The following VWA7 variants were observed in gnomAD, a reference collection of about 807,000 sequenced individuals.
VWA7 encodes the protein von Willebrand factor A domain containing 7.
Under a neutral mutation model 83.1 loss-of-function variants are expected in VWA7, and 66 were observed. That is an observed-to-expected ratio of 0.79 (90% CI 0.65 to 0.98). VWA7 has a LOEUF of 0.98. Ranked by LOEUF, VWA7 falls within the 50% of genes least tolerant of loss-of-function variation. VWA7 has a pLI of 0.00. For synonymous variants in VWA7, 424 were observed against 488.5 expected, an observed-to-expected ratio of 0.87 and a Z score of 1.74; for missense variants, 1,080 against 1,160.2, an observed-to-expected ratio of 0.93 and a Z score of 1.00.
Position 31,775,940 on chromosome 6 carries a change from CCAT to C in VWA7, c.513+21_513+23del. 6.3e-7 allele frequency: 1 copy of C among 1,589,458 alleles called. No homozygotes were observed. The highest frequency in any genetic ancestry group is 8.6e-7 in the Non-Finnish European group (1 of 1,166,560). On this transcript the variant is annotated intron_variant, in intron 3 of 16. Coordinates refer to ENST00000375688, the MANE Select transcript of VWA7 (RefSeq NM_025258.3). The surrounding 1 kb of genome is among the most constrained non-coding windows in gnomAD (Gnocchi z 5.9). The stretch of plus-strand genomic sequence containing the variant: ...GGCACGGAAGTGAAGACCCCTCTGA[CCAT>C]CAACCCAACCCTGTTCTCACCTGCA...
rs1581600125 is a variant in VWA7, at chr6:31,770,118, G to A, written c.1088-5C>T. On this transcript the variant is annotated splice_region_variant and splice_polypyrimidine_tract_variant and intron_variant, in intron 7 of 16. Transcript: ENST00000375688. ...TTGTAAAGACAGGGCCGAACCCTGGGAAGGGGAAAGGAGGTTAAGATAAGT... is the reference window on the plus strand; with the variant it reads ...TTGTAAAGACAGGGCCGAACCCTGGAAAGGGGAAAGGAGGTTAAGATAAGT... 2 of 1,611,414 alleles carry A rather than the reference G, an allele frequency of 1.2e-6. No homozygotes were observed.
intron 7 of VWA7, among the ~76,000 whole-genome samples, chr6:31,772,155 T>C (rs1376685826): frequency 6.6e-6 from 1 of 151,678 alleles, no homozygotes; most frequent in Non-Finnish European, 1.5e-5. Context: ...TTTTTTTTTT[T>C]TTAGAGACAG....
At chr6:31,770,234 A>G (rs961994414) in intron 7 of VWA7, 121 bp from the exon 8 acceptor site, 16 of 740,594 alleles carry the variant, frequency 2.2e-5, no homozygotes, top group South Asian at 1.2e-4. Flanking sequence ...TTGAAATAAC[A>G]ATACTCCATT....
chr6:31,771,991 A>T (rs1204958657), intron 7 of VWA7, among the ~76,000 whole-genome samples: 1 of 62,524 alleles, frequency 1.6e-5, no homozygotes, highest in Non-Finnish European at 2.6e-5. Flanking sequence ...ACTCCGTCTC[A>T]AAAAAAAAAA....
intron 7 of VWA7, 119 bp from the exon 8 acceptor site, chr6:31,770,232 A>T: frequency 1.3e-6 from 1 of 743,184 alleles, no homozygotes; most frequent in Non-Finnish European, 2.2e-6. Context: ...TATTGAAATA[A>T]CAATACTCCA....
chr6:31,773,883 G>A lies in VWA7; in HGVS notation c.722-446C>T, dbSNP rs913599699. ...AAATAAATAAATGATGGCTGGGCACGGTGGCTCACACCAGTAATCCCAGCA... is the reference window on the plus strand; with the variant it reads ...AAATAAATAAATGATGGCTGGGCACAGTGGCTCACACCAGTAATCCCAGCA... On this transcript the variant is annotated intron_variant, in intron 5 of 16. Coordinates refer to ENST00000375688, the MANE Select transcript of VWA7 (RefSeq NM_025258.3). This position sits in a 1 kb window ranked among gnomAD's most constrained non-coding sequence, Gnocchi z 5.3. Among the ~76,000 whole-genome samples, 4 of 151,804 alleles carry A rather than the reference G, an allele frequency of 2.6e-5. No homozygotes were observed. Among genetic ancestry groups the A allele is most frequent in the Admixed American group, 2.6e-4 (4 of 15,234 alleles).
At position 31,766,083 on chromosome 6, in the gene VWA7, A is replaced by G; in HGVS notation, c.2325-26T>C. 6.2e-7 allele frequency: 1 copy of G among 1,612,076 alleles called. No homozygotes were observed. Among genetic ancestry groups the G allele is most frequent in the Non-Finnish European group, 8.5e-7 (1 of 1,179,522 alleles). On this transcript the variant is annotated intron_variant, in intron 15 of 16. Transcript: ENST00000375688. This position sits in a 1 kb window ranked among gnomAD's most constrained non-coding sequence, Gnocchi z 4.9. ...CTGGAGAGAGGATATAGGCGTCGCT[A>G]AAGCTCCAGGCTGCCCAGAGCCTAG...
Position 31,773,204 on chromosome 6 carries a change from C to T in VWA7, c.917+38G>A, listed in dbSNP as rs752762273. ...GGTTTCTCCCTTCCCGCAGGAGCGCCTCCCCATGAAGGGGTCCATCCCCAG... is the reference window on the plus strand; with the variant it reads ...GGTTTCTCCCTTCCCGCAGGAGCGCTTCCCCATGAAGGGGTCCATCCCCAG... On this transcript the variant is annotated intron_variant, in intron 6 of 16. Coordinates refer to ENST00000375688, the MANE Select transcript of VWA7 (RefSeq NM_025258.3). This position sits in a 1 kb window ranked among gnomAD's most constrained non-coding sequence, Gnocchi z 5.3. The T allele has an allele frequency of 3.1e-6, 5 of 1,591,344 alleles. No homozygotes were observed. The South Asian group carries it at 4.5e-5, about 14-fold the overall frequency.
In VWA7 at chr6:31,770,028, C is replaced by T; in HGVS notation, c.1173G>A (p.Glu391=). The change falls in exon 8 of 17, where the codon GAG becomes GAA. Residue 391 remains glutamate (E), a synonymous_variant. Coordinates refer to ENST00000375688, the MANE Select transcript of VWA7 (RefSeq NM_025258.3). ...NEIHALGGGD[E]PEMCLSALQL... Reference sequence around the variant, plus strand: ...GCAGGGCTGACAGGCACATCTCAGGCTCGTCTCCACCCCCCAAGGCATGGA... The same window carrying T: ...GCAGGGCTGACAGGCACATCTCAGGTTCGTCTCCACCCCCCAAGGCATGGA... 1.2e-6 allele frequency: 2 copies of T among 1,612,882 alleles called. No homozygotes were observed. The highest frequency in any genetic ancestry group is 8.5e-7 in the Non-Finnish European group (1 of 1,179,998).
In VWA7 at chr6:31,765,970, C is replaced by CA; in HGVS notation, c.2411dup (p.Thr805AspfsTer40). On this transcript the variant is annotated frameshift_variant, in exon 16 of 17. Coordinates refer to ENST00000375688, the MANE Select transcript of VWA7 (RefSeq NM_025258.3). LOFTEE classifies it high-confidence loss of function. ...CTTCTCGTCCCCCTGCAGTCACAGT[C>CA]ACCATCACCACGGAATCCGGGGCCG... is the stretch of plus-strand genomic sequence containing the variant. 6.2e-7 allele frequency: 1 copy of CA among 1,613,116 alleles called. No individual in the cohort carries two copies. The highest frequency in any genetic ancestry group is 8.5e-7 in the Non-Finnish European group (1 of 1,180,036).
Position 31,766,161 on chromosome 6 carries a change from G to A in VWA7, c.2324+84C>T. 6.3e-7 allele frequency: 1 copy of A among 1,593,156 alleles called. No homozygotes were observed. Among genetic ancestry groups the A allele is most frequent in the East Asian group, 2.2e-5 (1 of 44,658 alleles). On this transcript the variant is annotated intron_variant, in intron 15 of 16. Transcript: ENST00000375688. The surrounding 1 kb of genome is among the most constrained non-coding windows in gnomAD (Gnocchi z 4.9). ...GCGGAGAGGAGGATTCTGAGGGCCA[G>A]TCGGAGGGGGACAGGGGCAGGGCTT...
chr6:31,774,439 T>C (rs973287228), intron 5 of VWA7, 77 bp downstream of exon 5: 15 of 1,383,264 alleles, frequency 1.1e-5, no homozygotes, highest in Non-Finnish European at 1.4e-5. Context: ...AGCAAAGGCA[T>C]ACGGGCCTAC....
At position 31,776,574 on chromosome 6, in the gene VWA7, C is replaced by CG; in HGVS notation, c.205dup (p.Arg69ProfsTer7). ...GAAGTCCTCAAGACGAAGAGGGGGG[C>CG]GGCCTGGGGGTGGCTGCTCCAGGAA... On this transcript the variant is annotated frameshift_variant, in exon 2 of 17. Transcript: ENST00000375688. LOFTEE classifies it high-confidence loss of function. The surrounding 1 kb of genome is among the most constrained non-coding windows in gnomAD (Gnocchi z 6.2). The CG allele has an allele frequency of 6.5e-7, 1 of 1,547,456 alleles. No homozygotes were observed. Among genetic ancestry groups the CG allele is most frequent in the Non-Finnish European group, 8.7e-7 (1 of 1,145,488 alleles).
chr6:31,775,913 C>T lies in VWA7; in HGVS notation c.513+51G>A. 1 of 1,557,040 alleles carries T rather than the reference C, an allele frequency of 6.4e-7. No individual in the cohort carries two copies. Among genetic ancestry groups the T allele is most frequent in the Non-Finnish European group, 8.7e-7 (1 of 1,151,442 alleles). On this transcript the variant is annotated intron_variant, in intron 3 of 16. Coordinates refer to ENST00000375688, the MANE Select transcript of VWA7 (RefSeq NM_025258.3). The surrounding 1 kb of genome is among the most constrained non-coding windows in gnomAD (Gnocchi z 5.9). Reference sequence around the variant, plus strand: ...ACCATAGGACGCGCTCCATCCCGGACAGGCACGGAAGTGAAGACCCCTCTG... The same window carrying T: ...ACCATAGGACGCGCTCCATCCCGGATAGGCACGGAAGTGAAGACCCCTCTG...
chr6:31,773,385 C>G lies in VWA7; in HGVS notation c.774G>C (p.Arg258Ser), dbSNP rs749066680. 1.2e-5 allele frequency: 19 copies of G among 1,606,594 alleles called. No individual in the cohort carries two copies. Among genetic ancestry groups the G allele is most frequent in the Non-Finnish European group, 1.6e-5 (19 of 1,176,842 alleles). Residue 258 changes from arginine to serine, a missense_variant, in exon 6 of 17, where the codon AGG (arginine) becomes AGC (serine). Coordinates refer to ENST00000375688, the MANE Select transcript of VWA7 (RefSeq NM_025258.3). The surrounding 1 kb of genome is among the most constrained non-coding windows in gnomAD (Gnocchi z 5.3). ...HFDRSSSQPP[R>S]GGINKDSTSP... Reference sequence around the variant, plus strand: ...ATGTGCTGTCCTTGTTGATGCCTCCCCTCGGTGGCTGGGAGCTGCTCCGGT... The same window carrying G: ...ATGTGCTGTCCTTGTTGATGCCTCCGCTCGGTGGCTGGGAGCTGCTCCGGT...
In VWA7 at chr6:31,775,502, C is replaced by A; in HGVS notation, c.514-73G>T. ...TCTCACCATCTCCAGCACTAATATG[C>A]CACTCCTTTGAGTTCCCCATCCCGA... On this transcript the variant is annotated intron_variant, in intron 3 of 16. Transcript: ENST00000375688. This position sits in a 1 kb window ranked among gnomAD's most constrained non-coding sequence, Gnocchi z 5.9. 7.2e-7 allele frequency: 1 copy of A among 1,382,238 alleles called. No individual in the cohort carries two copies. The allele number at this position is 1,382,238 out of a possible 1,614,324, so 85.6% of individuals were successfully genotyped here. A position where few individuals can be genotyped will look rare whatever the true frequency, so the allele number is the denominator to read the frequency against.
Position 31,776,283 on chromosome 6 carries a change from T to C in VWA7, c.235-41A>G. On this transcript the variant is annotated intron_variant, in intron 2 of 16. Coordinates refer to ENST00000375688, the MANE Select transcript of VWA7 (RefSeq NM_025258.3). The surrounding 1 kb of genome is among the most constrained non-coding windows in gnomAD (Gnocchi z 6.2). ...GGCGACGGGGCTCCAGGGAGGCCCT[T>C]TGGATTGACTGTTGCCCACCTTATC... 1 of 1,586,210 alleles carries C rather than the reference T, an allele frequency of 6.3e-7. No homozygotes were observed. Among genetic ancestry groups the C allele is most frequent in the Non-Finnish European group, 8.6e-7 (1 of 1,165,720 alleles).
At chr6:31,774,205 G>GAAT (rs1812472839) in intron 5 of VWA7, among the ~76,000 whole-genome samples, 1 of 151,492 alleles carries the variant, frequency 6.6e-6, no homozygotes, top group Non-Finnish European at 1.5e-5. Context: ...TTGTGGAGGG[G>GAAT]AATTCTGGAG....
In VWA7 at chr6:31,774,499, ACTTT is replaced by A. The variant is rs749198109; in HGVS notation, c.721+13_721+16del. ...GACTTTCTCCCCTTACTTCTGGGGAACTTTCTTGTCTGGTACCTGGAGGTTTCGG... is the reference window on the plus strand; with the variant it reads ...GACTTTCTCCCCTTACTTCTGGGGAACTTGTCTGGTACCTGGAGGTTTCGG... On this transcript the variant is annotated intron_variant, in intron 5 of 16. Coordinates refer to ENST00000375688, the MANE Select transcript of VWA7 (RefSeq NM_025258.3). 6.2e-7 allele frequency: 1 copy of A among 1,609,620 alleles called. No homozygotes were observed. Among genetic ancestry groups the A allele is most frequent in the Non-Finnish European group, 8.5e-7 (1 of 1,177,408 alleles).
Sources: allele counts gnomAD v4.1 joint callset (sites outside exome capture counted in the v4.1 genomes callset), GRCh38; gene constraint gnomAD v4.1.1; non-coding constraint Gnocchi (gnomAD v3.1); transcripts MANE v1.5; gene names NCBI Gene and HGNC (gene_info 2026-07-23, HGNC 2026-07-21).